The following GDF2 variants were observed in gnomAD, a reference collection of about 807,000 sequenced individuals.
GDF2 encodes growth differentiation factor 2, also known as growth/differentiation factor 2.
GDF2 carries 17 observed loss-of-function variants against 16.9 expected under a neutral mutation model. That is an observed-to-expected ratio of 1.00 (90% CI 0.69 to 1.51). The LOEUF is 1.51. Among genes scored for constraint, GDF2 ranks in the 40% most tolerant of loss-of-function variants. GDF2 has a pLI of 0.00. For synonymous variants in GDF2, 276 were observed against 237.6 expected (o/e 1.16, Z -1.49); for missense variants, 523 against 556.3 (o/e 0.94, Z 0.60).
At chr10:47,323,101 G>A in intron 1 of GDF2, 87 bp downstream of exon 1, 1 of 888,244 alleles carries the variant, frequency 1.1e-6, no homozygotes, top group East Asian at 2.5e-5. Context: ...ACTGGCCATA[G>A]GAGGCTCTTC....
In GDF2 at chr10:47,325,065, TTCCTG is replaced by T; in HGVS notation, c.572_576del (p.Phe191CysfsTer8). ...GGATAGTGCTACAGAGACCAAGACC[TTCCTG>T]GTGTCCCAGGACATTCAGGATGAGG... On this transcript the variant is annotated frameshift_variant, in exon 2 of 2. Transcript: ENST00000581492. LOFTEE classifies it low-confidence loss of function (END_TRUNC). The T allele has an allele frequency of 6.2e-7, 1 of 1,613,876 alleles. No individual in the cohort carries two copies. Among genetic ancestry groups the T allele is most frequent in the Non-Finnish European group, 8.5e-7 (1 of 1,179,830 alleles).
chr10:47,322,774 A>G lies in GDF2; in HGVS notation c.106A>G (p.Asn36Asp). 1.1e-5 allele frequency: 17 copies of G among 1,612,882 alleles called. No individual in the cohort carries two copies. Among genetic ancestry groups the G allele is most frequent in the Non-Finnish European group, 1.4e-5 (17 of 1,179,280 alleles). The change falls in exon 1 of 2, where the codon AAC (asparagine) becomes GAC (aspartate). Residue 36 changes from asparagine (N) to aspartate (D), a missense_variant. Transcript: ENST00000581492. ...QSWGRGSAGG[N>D]AHSPLGVPGG... ...CTGGGGACGAGGGTCTGCTGGGGGA[A>G]ACGCCCACAGCCCACTGGGGGTGCC...
In GDF2 at chr10:47,324,850, C is replaced by T. The variant is rs782756832; in HGVS notation, c.356C>T (p.Ser119Phe). The T allele has an allele frequency of 1.9e-6, 3 of 1,611,230 alleles. No homozygotes were observed. The highest frequency in any genetic ancestry group is 1.1e-5 in the South Asian group (1 of 91,028). The change falls in exon 2 of 2, where the codon TCC becomes TTC. Residue 119 changes from serine (S) to phenylalanine (F), a missense_variant. Ser to Phe is a radical substitution (Grantham distance 155). Transcript: ENST00000581492. The stretch of plus-strand genomic sequence containing the variant: ...TGTGTTTGCATTTCAGATGCCATCT[C>T]CATAACTGCCACAGAGGACTTCCCC... ...VRSFSMEDAI[S>F]ITATEDFPFQ...
rs1425847033 is a variant in GDF2, at chr10:47,326,933, T to G, written c.*1149T>G. Among the ~76,000 whole-genome samples, 1 of 152,238 alleles carries G rather than the reference T, an allele frequency of 6.6e-6. No individual in the cohort carries two copies. On this transcript the variant is annotated 3_prime_UTR_variant, in exon 2 of 2. Coordinates refer to ENST00000581492, the MANE Select transcript of GDF2 (RefSeq NM_016204.4). ...TTTGGTCTTTGAAACATATCTATTT[T>G]TATTCCTTGGTGACATGTCCTTAAG... is the stretch of plus-strand genomic sequence containing the variant.
intron 1 of GDF2, 72 bp from the exon 2 acceptor site, chr10:47,324,769 C>A: frequency 9.5e-7 from 1 of 1,053,906 alleles, no homozygotes; most frequent in South Asian, 1.4e-5. Context: ...CTGTCTAAAC[C>A]CTGAGACTCA....
rs9325886 is a variant in GDF2, at chr10:47,327,025, T to G, written c.*1241T>G. Among the ~76,000 whole-genome samples the G allele has an allele frequency of 0.9, 136,563 of 152,292 alleles. 61,464 individuals are homozygous for G. Among genetic ancestry groups the G allele is most frequent in the Non-Finnish European group, 0.94 (63,817 of 68,024 alleles). On this transcript the variant is annotated 3_prime_UTR_variant, in exon 2 of 2. Transcript: ENST00000581492. ...CGGAAGAGCTGCAGTCCTTATCGGC[T>G]ATCACTGGCTCTGCCTGCATTTGCC...
intron 1 of GDF2, among the ~76,000 whole-genome samples, chr10:47,323,966 T>C (rs1395143415): frequency 6.6e-6 from 1 of 152,244 alleles, no homozygotes; most frequent in Non-Finnish European, 1.5e-5. Context: ...GACTGGCACT[T>C]CAAAACCTGC....
chr10:47,322,582 GC>G lies in GDF2; in HGVS notation c.-84del. 9.9e-7 allele frequency: 1 copy of G among 1,009,886 alleles called. No homozygotes were observed. The allele number at this position is 1,009,886 out of a possible 1,614,324, so 62.6% of individuals were successfully genotyped here. On this transcript the variant is annotated 5_prime_UTR_variant, in exon 1 of 2. It removes the in-frame stop codon of an upstream open reading frame in the 5' UTR. Transcript: ENST00000581492. The stretch of plus-strand genomic sequence containing the variant: ...CAGAGCAAACAGCAGGGAGATGCCG[GC>G]CCGCTCCTTCCCAGCTCCTCCCCGT...
rs1232190141 is a variant in GDF2 at position 47,325,571 on chromosome 10, C to T, written c.1077C>T (p.Gly359=). Reference sequence around the variant, plus strand: ...ATGAAGCCTACGAGTGTAAGGGCGGCTGCTTCTTCCCCTTGGCTGACGATG... The same window carrying T: ...ATGAAGCCTACGAGTGTAAGGGCGGTTGCTTCTTCCCCTTGGCTGACGATG... ...KEYEAYECKG[G]CFFPLADDVT... Residue 359 remains glycine, a synonymous_variant, in exon 2 of 2, where the codon GGC becomes GGT. Transcript: ENST00000581492. 1 of 1,614,002 alleles carries T rather than the reference C, an allele frequency of 6.2e-7. No individual in the cohort carries two copies. The highest frequency in any genetic ancestry group is 8.5e-7 in the Non-Finnish European group (1 of 1,180,054).
In GDF2 at chr10:47,327,007, G is replaced by C. The variant is rs1429144074; in HGVS notation, c.*1223G>C. Among the ~76,000 whole-genome samples, 1 of 152,250 alleles carries C rather than the reference G, an allele frequency of 6.6e-6. No homozygotes were observed. Among genetic ancestry groups the C allele is most frequent in the African/African-American group, 2.4e-5 (1 of 41,466 alleles). On this transcript the variant is annotated 3_prime_UTR_variant, in exon 2 of 2. Transcript: ENST00000581492. ...GCGAGGCCTCTCCAGCCTCGGAAGA[G>C]CTGCAGTCCTTATCGGCTATCACTG...
At position 47,327,022 on chromosome 10, in the gene GDF2, G is replaced by A. The variant is rs1024449188; in HGVS notation, c.*1238G>A. Among the ~76,000 whole-genome samples, 2 of 152,312 alleles carry A rather than the reference G, an allele frequency of 1.3e-5. No individual in the cohort carries two copies. The highest frequency in any genetic ancestry group is 6.5e-5 in the Admixed American group (1 of 15,302). Reference sequence around the variant, plus strand: ...CCTCGGAAGAGCTGCAGTCCTTATCGGCTATCACTGGCTCTGCCTGCATTT... The same window carrying A: ...CCTCGGAAGAGCTGCAGTCCTTATCAGCTATCACTGGCTCTGCCTGCATTT... On this transcript the variant is annotated 3_prime_UTR_variant, in exon 2 of 2. Coordinates refer to ENST00000581492, the MANE Select transcript of GDF2 (RefSeq NM_016204.4).
In GDF2 at chr10:47,325,654, A is replaced by C; in HGVS notation, c.1160A>C (p.Lys387Thr). 6.2e-7 allele frequency: 1 copy of C among 1,613,324 alleles called. No homozygotes were observed. Among genetic ancestry groups the C allele is most frequent in the South Asian group, 1.1e-5 (1 of 91,040 alleles). ...QTLVHLKFPT[K>T]VGKACCVPTK... Reference sequence around the variant, plus strand: ...CTGGTGCATCTCAAGTTCCCCACAAAGGTGGGCAAGGCCTGCTGTGTGCCC... The same window carrying C: ...CTGGTGCATCTCAAGTTCCCCACAACGGTGGGCAAGGCCTGCTGTGTGCCC... Residue 387 changes from lysine to threonine, a missense_variant, in exon 2 of 2, where the codon AAG becomes ACG. Lys to Thr is a moderately conservative substitution (Grantham distance 78, BLOSUM62 -1). Transcript: ENST00000581492.
rs782188024 is a variant in GDF2 at position 47,324,925 on chromosome 10, A to G, written c.431A>G (p.Gln144Arg). ...AACATCTCCATTCCTAGGCATGAGCAGATCACCAGAGCTGAGCTCCGACTC... is the reference window on the plus strand; with the variant it reads ...AACATCTCCATTCCTAGGCATGAGCGGATCACCAGAGCTGAGCTCCGACTC... ...LFNISIPRHEQITRAELRLYV... is the reference protein window; with the variant it reads ...LFNISIPRHERITRAELRLYV... The change falls in exon 2 of 2, where the codon CAG becomes CGG. Residue 144 changes from glutamine (Q) to arginine (R), a missense_variant. Gln to Arg is a conservative substitution (Grantham distance 43, BLOSUM62 1). Transcript: ENST00000581492. 1 of 1,614,030 alleles carries G rather than the reference A, an allele frequency of 6.2e-7. No homozygotes were observed. Among genetic ancestry groups the G allele is most frequent in the East Asian group, 2.2e-5 (1 of 44,884 alleles).
In GDF2 at chr10:47,325,237, C is replaced by T. The variant is rs376281519; in HGVS notation, c.743C>T (p.Ser248Phe). Residue 248 changes from serine (S) to phenylalanine (F), a missense_variant, in exon 2 of 2, where the codon TCC (serine) becomes TTC (phenylalanine). Physicochemically the swap from Ser to Phe is radical, Grantham distance 155. Coordinates refer to ENST00000581492, the MANE Select transcript of GDF2 (RefSeq NM_016204.4). The part of the protein sequence containing the change: ...DTLDISVPPG[S>F]RNLPFFVVFS... ...CTGGACATCAGTGTCCCCCCAGGTT[C>T]CAGAAACCTGCCCTTCTTTGTTGTC... 1.2e-6 allele frequency: 2 copies of T among 1,614,122 alleles called. No homozygotes were observed. The highest frequency in any genetic ancestry group is 1.7e-6 in the Non-Finnish European group (2 of 1,180,030).
At chr10:47,324,613 T>C (rs567805145) in intron 1 of GDF2, among the ~76,000 whole-genome samples, 2 of 152,346 alleles carry the variant, frequency 1.3e-5, no homozygotes, top group Admixed American at 6.5e-5. Flanking sequence ...AGATGCTCGA[T>C]AAACAGTAGG....
At position 47,324,874 on chromosome 10, in the gene GDF2, C is replaced by G. The variant is rs2132235793; in HGVS notation, c.380C>G (p.Pro127Arg). Reference protein sequence around the residue: ...AISITATEDFPFQKHILLFNI... With the variant: ...AISITATEDFRFQKHILLFNI... Reference sequence around the variant, plus strand: ...TCCATAACTGCCACAGAGGACTTCCCCTTCCAGAAGCACATCTTGCTCTTC... The same window carrying G: ...TCCATAACTGCCACAGAGGACTTCCGCTTCCAGAAGCACATCTTGCTCTTC... The change falls in exon 2 of 2, where the codon CCC becomes CGC. Residue 127 changes from proline to arginine, a missense_variant. Transcript: ENST00000581492. 6.2e-7 allele frequency: 1 copy of G among 1,613,290 alleles called. No homozygotes were observed. The highest frequency in any genetic ancestry group is 8.5e-7 in the Non-Finnish European group (1 of 1,179,902).
chr10:47,325,336 A>G lies in GDF2; in HGVS notation c.842A>G (p.Glu281Gly). 6.2e-7 allele frequency: 1 copy of G among 1,614,212 alleles called. No individual in the cohort carries two copies. The highest frequency in any genetic ancestry group is 8.5e-7 in the Non-Finnish European group (1 of 1,180,050). Reference protein sequence around the residue: ...ELREMISHEQESVLKKLSKDG... With the variant: ...ELREMISHEQGSVLKKLSKDG... ...AGGGAGATGATCAGCCATGAACAAG[A>G]GAGCGTGCTCAAGAAGCTGTCCAAG... Residue 281 changes from glutamate (E) to glycine (G), a missense_variant, in exon 2 of 2, where the codon GAG becomes GGG. Glu to Gly is a moderately conservative substitution (Grantham distance 98). Coordinates refer to ENST00000581492, the MANE Select transcript of GDF2 (RefSeq NM_016204.4).
chr10:47,325,933 A>G lies in GDF2; in HGVS notation c.*149A>G. 2 of 593,640 alleles carry G rather than the reference A, an allele frequency of 3.4e-6. No individual in the cohort carries two copies. Among genetic ancestry groups the G allele is most frequent in the Non-Finnish European group, 5.7e-6 (2 of 348,924 alleles). The allele number at this position is 593,640 out of a possible 1,614,324, so 36.8% of individuals were successfully genotyped here. The stretch of plus-strand genomic sequence containing the variant: ...CTCTCCCTCCCCACACCCCACCCAA[A>G]GCATACACCGCTGAGCTCAACTGCC... On this transcript the variant is annotated 3_prime_UTR_variant, in exon 2 of 2. Coordinates refer to ENST00000581492, the MANE Select transcript of GDF2 (RefSeq NM_016204.4).
In GDF2 at chr10:47,325,424, G is replaced by A. The variant is rs200838331; in HGVS notation, c.930G>A (p.Ala310=). The A allele has an allele frequency of 2.7e-5, 44 of 1,613,882 alleles. No homozygotes were observed. The highest frequency in any genetic ancestry group is 8.3e-5 in the Admixed American group (5 of 60,022). ...HEEDTDGHVA[A]GSTLARRKRS... is the part of the protein sequence containing the mutation. Reference sequence around the variant, plus strand: ...AGGACACGGATGGCCACGTGGCTGCGGGGTCGACTTTAGCCAGGCGGAAAA... The same window carrying A: ...AGGACACGGATGGCCACGTGGCTGCAGGGTCGACTTTAGCCAGGCGGAAAA... The change falls in exon 2 of 2, where the codon GCG becomes GCA. Residue 310 remains alanine, a synonymous_variant. Transcript: ENST00000581492.
Sources: allele counts gnomAD v4.1 joint callset (sites outside exome capture counted in the v4.1 genomes callset), GRCh38; gene constraint gnomAD v4.1.1; transcripts MANE v1.5; gene names NCBI Gene and HGNC (gene_info 2026-07-23, HGNC 2026-07-21).